The following MYOM2 variants were observed in gnomAD, a reference collection of about 807,000 sequenced individuals.
The protein encoded by MYOM2 is myomesin-2.
MYOM2 carries 254 observed loss-of-function variants against 187.6 expected under a neutral mutation model. The ratio of observed to expected loss-of-function variants is 1.35; its 90% CI spans 1.22 to 1.50. The LOEUF (loss-of-function observed/expected upper bound fraction) is 1.50, where lower values mean the gene tolerates loss of function less well. Ranked by LOEUF, MYOM2 falls within the 40% of genes most tolerant of loss-of-function variation. MYOM2 has a pLI of 0.00. For missense variants in MYOM2, 2,796 were observed against 1,924.0 expected (o/e 1.45, Z -8.48); for synonymous variants, 981 against 753.8 (o/e 1.30, Z -4.94).
Position 2,085,198 on chromosome 8 carries a change from C to G in MYOM2, c.1517-65C>G, listed in dbSNP as rs183163907. ...CACGTGGCAGAGTCCTCCAGTGCCC[C>G]GAGGTGGGCTGCAGCGAGGCTGATG... On this transcript the variant is annotated intron_variant, in intron 13 of 36. Transcript: ENST00000262113. 25 of 1,576,040 alleles carry G rather than the reference C, an allele frequency of 1.6e-5. No homozygotes were observed. In the South Asian group the frequency reaches 2.4e-4, roughly 15 times the overall value.
At chr8:2,129,068 C>G in intron 31 of MYOM2, 59 bp from the exon 32 acceptor site, 1 of 1,304,088 alleles carries the variant, frequency 7.7e-7, no homozygotes, top group Non-Finnish European at 1.1e-6. Context: ...GCGATGCTTT[C>G]TGTGATCACA....
intron 19 of MYOM2, among the ~76,000 whole-genome samples, chr8:2,100,127 T>C (rs1289499553): frequency 1.4e-5 from 1 of 69,368 alleles, no homozygotes; most frequent in African/African-American, 5.1e-5. Context: ...CTTCCTTCCT[T>C]CTTTCCTTCC....
chr8:2,103,903 T>C (rs894024040), intron 21 of MYOM2, among the ~76,000 whole-genome samples: 5 of 152,274 alleles, frequency 3.3e-5, no homozygotes, highest in South Asian at 2.1e-4. Context: ...GCATGTGTTA[T>C]GTGTGCATGT....
chr8:2,096,201 C>A (rs562323459), intron 17 of MYOM2, 46 bp from the exon 18 acceptor site: 8 of 1,581,784 alleles, frequency 5.1e-6, no homozygotes, highest in East Asian at 2.2e-5. Flanking sequence ...GGGACAAAGC[C>A]CCCAGCTGAG....
intron 10 of MYOM2, among the ~76,000 whole-genome samples, chr8:2,075,679 C>A (rs1308306369): frequency 6.6e-6 from 1 of 152,210 alleles, no homozygotes; most frequent in Non-Finnish European, 1.5e-5. Context: ...ACGAATGATG[C>A]AATATTGTCC....
chr8:2,098,434 G>A (rs76004028), intron 18 of MYOM2, among the ~76,000 whole-genome samples: 3,481 of 152,232 alleles, frequency 0.023, 121 homozygotes, highest in East Asian at 0.081. Flanking sequence ...CCGTCTCCAG[G>A]GTGACCCCCC....
chr8:2,090,900 C>G (rs1796279563), intron 15 of MYOM2, among the ~76,000 whole-genome samples: 1 of 151,814 alleles, frequency 6.6e-6, no homozygotes, highest in Non-Finnish European at 1.5e-5. Context: ...CATGTCTTGG[C>G]TATTGTGTGA....
chr8:2,124,068 A>T, intron 30 of MYOM2, 111 bp from the exon 31 acceptor site: 1 of 1,095,996 alleles, frequency 9.1e-7, no homozygotes, highest in South Asian at 1.5e-5. Flanking sequence ...TTAATGATTC[A>T]TTTTTCAACT....
In MYOM2 at chr8:2,078,759, G is replaced by T. The variant is rs753652156; in HGVS notation, c.1288G>T (p.Val430Leu). ...DRCEVGTNNW[V>L]QCNDAPVKIC... The stretch of plus-strand genomic sequence containing the variant: ...ATGTGAAGTAGGAACGAATAATTGG[G>T]TGCAGTGCAATGATGCACCGGTGAA... Residue 430 changes from valine to leucine, a missense_variant, in exon 12 of 37, where the codon GTG becomes TTG. Transcript: ENST00000262113. 8.7e-6 allele frequency: 14 copies of T among 1,614,008 alleles called. No homozygotes were observed. The Admixed American group carries it at 1.2e-4, about 13-fold the overall frequency.
rs1168707694 is a variant in MYOM2 at position 2,100,962 on chromosome 8, C to A, written c.2527C>A (p.Pro843Thr). The A allele has an allele frequency of 6.2e-7, 1 of 1,614,126 alleles. No homozygotes were observed. The highest frequency in any genetic ancestry group is 1.1e-5 in the South Asian group (1 of 91,080). ...GGCCCCTGTGTACTCCGGCAGCAGC[C>A]CTGTTTCTGGATATTTCGTGGACTT... is the stretch of plus-strand genomic sequence containing the variant. ...WKAPVYSGSS[P>T]VSGYFVDFRE... The change falls in exon 20 of 37, where the codon CCT becomes ACT. Residue 843 changes from proline to threonine, a missense_variant. Physicochemically the swap from Pro to Thr is conservative, Grantham distance 38. Coordinates refer to ENST00000262113, the MANE Select transcript of MYOM2 (RefSeq NM_003970.4).
rs62478391 is a variant in MYOM2, at chr8:2,096,283, A to G, written c.2162A>G (p.Asn721Ser). The G allele has an allele frequency of 1.3e-4, 206 of 1,614,114 alleles. No individual in the cohort carries two copies. The African/African-American group carries it at 2.2e-3, about 17-fold the overall frequency. The stretch of plus-strand genomic sequence containing the variant: ...CATCCTTATGGGATTACGCTCCTCA[A>G]CTGTGACGGCCACTCCATGACCCTC... ...PSHPYGITLLNCDGHSMTLGW... is the reference protein window; with the variant it reads ...PSHPYGITLLSCDGHSMTLGW... Residue 721 changes from asparagine to serine, a missense_variant, in exon 18 of 37, where the codon AAC becomes AGC. By Grantham distance (46) the Asn-to-Ser change is conservative. Transcript: ENST00000262113.
intron 14 of MYOM2, among the ~76,000 whole-genome samples, chr8:2,088,368 C>A (rs1313901564): frequency 6.6e-6 from 1 of 152,244 alleles, no homozygotes; most frequent in East Asian, 1.9e-4. Context: ...TTTCGAGGTG[C>A]AGTTGATCTC....
intron 6 of MYOM2, among the ~76,000 whole-genome samples, chr8:2,063,274 G>T (rs1272594547): frequency 2.6e-5 from 4 of 152,328 alleles, no homozygotes; most frequent in African/African-American, 7.2e-5. Flanking sequence ...GAATGTGTTG[G>T]CACCCACCTC....
rs186928393 is a variant in MYOM2, at chr8:2,085,243, C to T, written c.1517-20C>T. 611 of 1,612,738 alleles carry T rather than the reference C, an allele frequency of 3.8e-4. 2 individuals carry two copies. The highest frequency in any genetic ancestry group is 6.7e-4 in the South Asian group (61 of 90,900). On this transcript the variant is annotated intron_variant, in intron 13 of 36. Coordinates refer to ENST00000262113, the MANE Select transcript of MYOM2 (RefSeq NM_003970.4). ...CTGATGGGGGTCCTTCAGCACTCAC[C>T]GAATTTATTATTCCTCCAGGTGACG...
rs1182249401 is a variant in MYOM2 at position 2,140,849 on chromosome 8, A to C, written c.3927A>C (p.Lys1309Asn). The C allele has an allele frequency of 6.2e-7, 1 of 1,614,116 alleles. No individual in the cohort carries two copies. Among genetic ancestry groups the C allele is most frequent in the Non-Finnish European group, 8.5e-7 (1 of 1,179,964 alleles). ...GKYTFEIFDG[K>N]DNHQRSLDLS... ...ACACTTTTGAGATTTTCGATGGCAA[A>C]GACAACCATCAACGCTCCCTTGACC... is the stretch of plus-strand genomic sequence containing the variant. The change falls in exon 33 of 37, where the codon AAA (lysine) becomes AAC (asparagine). Residue 1309 changes from lysine (K) to asparagine (N), a missense_variant. By Grantham distance (94) the Lys-to-Asn change is moderately conservative. Transcript: ENST00000262113.
intron 17 of MYOM2, 152 bp downstream of exon 17, chr8:2,094,243 C>A (rs7828132): frequency 1.1e-6 from 1 of 936,964 alleles, no homozygotes; most frequent in Non-Finnish European, 1.6e-6. Flanking sequence ...TGAAGCCTCT[C>A]GGTTGGCTGC....
chr8:2,098,875 G>T lies in MYOM2; in HGVS notation c.2332G>T (p.Gly778Cys). ...TGAATAGGTGGACGGCTTGACGGAA[G>T]GCTCACTCTACGAGTTCAAAATCGC... The part of the protein sequence containing the change: ...TILTVDGLTE[G>C]SLYEFKIAAV... Residue 778 changes from glycine to cysteine, a missense_variant, in exon 19 of 37, where the codon GGC becomes TGC. Physicochemically the swap from Gly to Cys is radical, Grantham distance 159. Coordinates refer to ENST00000262113, the MANE Select transcript of MYOM2 (RefSeq NM_003970.4). 6.2e-7 allele frequency: 1 copy of T among 1,612,986 alleles called. No homozygotes were observed. Among genetic ancestry groups the T allele is most frequent in the South Asian group, 1.1e-5 (1 of 90,838 alleles).
At chr8:2,068,183 A>G (rs1351369328) in intron 6 of MYOM2, among the ~76,000 whole-genome samples, 1 of 151,800 alleles carries the variant, frequency 6.6e-6, no homozygotes, top group Non-Finnish European at 1.5e-5. Context: ...TGTGCACACC[A>G]GGCCGAGAGC....
At chr8:2,097,138 T>A in intron 18 of MYOM2, 1 of 980,736 alleles carries the variant, frequency 1.0e-6, no homozygotes, top group Non-Finnish European at 1.2e-6. Flanking sequence ...CTTTCTTTTT[T>A]GGAGAGTGTA....
Sources: gnomAD v4.1 joint callset for allele counts (sites outside exome capture counted in the v4.1 genomes callset) on GRCh38, gnomAD v4.1.1 for gene constraint, MANE v1.5 for transcripts, NCBI Gene and HGNC (gene_info 2026-07-23, HGNC 2026-07-21) for gene names.